KRT74: variants seen among roughly 807,000 people sequenced by gnomAD.
KRT74 encodes keratin, type II cytoskeletal 74.
KRT74 carries 43 observed loss-of-function variants against 42.7 expected under a neutral mutation model. The ratio of observed to expected loss-of-function variants is 1.01; its 90% CI spans 0.79 to 1.30. The LOEUF (loss-of-function observed/expected upper bound fraction) is 1.30, where lower values mean the gene tolerates loss of function less well. Ranked by LOEUF, KRT74 falls within the 50% of genes most tolerant of loss-of-function variation. The pLI is 0.00. For synonymous variants in KRT74, 302 were observed against 279.0 expected, an observed-to-expected ratio of 1.08 and a Z score of -0.82; for missense variants, 736 against 689.1, an observed-to-expected ratio of 1.07 and a Z score of -0.76.
At chr12:52,570,574 G>C in intron 5 of KRT74, 95 bp downstream of exon 5, 1 of 1,340,440 alleles carries the variant, frequency 7.5e-7, no homozygotes, top group Non-Finnish European at 1.1e-6. Context: ...CTTTCATTCA[G>C]CATGCCCACA....
At chr12:52,568,498 G>T in intron 6 of KRT74, 109 bp from the exon 7 acceptor site, 1 of 1,196,008 alleles carries the variant, frequency 8.4e-7, no homozygotes, top group Non-Finnish European at 1.2e-6. Context: ...AGGTGACAAG[G>T]AGTAAAAGCT....
rs376883953 is a variant in KRT74, at chr12:52,573,796, G to C, written c.-19C>G. On this transcript the variant is annotated 5_prime_UTR_variant, in exon 1 of 9. Transcript: ENST00000305620. ...GACTCATGGTGGGAAAGGTTGAGTT[G>C]ACAGAGCTGGAGAAAAGCAGTCTCC... 2.5e-6 allele frequency: 4 copies of C among 1,595,156 alleles called. No individual in the cohort carries two copies. Among genetic ancestry groups the C allele is most frequent in the Non-Finnish European group, 3.4e-6 (4 of 1,163,648 alleles).
rs1229370978 is a variant in KRT74, at chr12:52,573,479, C to T, written c.299G>A (p.Gly100Glu). The change falls in exon 1 of 9, where the codon GGG becomes GAG. Residue 100 changes from glycine (G) to glutamate (E), a missense_variant. Coordinates refer to ENST00000305620, the MANE Select transcript of KRT74 (RefSeq NM_175053.4). ...AGSMFGSVALGPACLSVCPPG... is the reference protein window; with the variant it reads ...AGSMFGSVALEPACLSVCPPG... ...TGGGCACACAGACAAACATGCAGGCCCCAGGGCCACACTGCCAAACATACT... is the reference window on the plus strand; with the variant it reads ...TGGGCACACAGACAAACATGCAGGCTCCAGGGCCACACTGCCAAACATACT... The T allele has an allele frequency of 6.2e-7, 1 of 1,614,188 alleles. No individual in the cohort carries two copies. Among genetic ancestry groups the T allele is most frequent in the South Asian group, 1.1e-5 (1 of 91,082 alleles).
Position 52,570,770 on chromosome 12 carries a change from G to C in KRT74, c.907C>G (p.Arg303Gly). The C allele has an allele frequency of 6.2e-7, 1 of 1,614,186 alleles. No homozygotes were observed. Among genetic ancestry groups the C allele is most frequent in the Middle Eastern group, 1.6e-4 (1 of 6,062 alleles). Residue 303 changes from arginine (R) to glycine (G), a missense_variant, in exon 5 of 9, where the codon CGG (arginine) becomes GGG (glycine). Arg to Gly is a moderately radical substitution (Grantham distance 125). Transcript: ENST00000305620. ...TSVILSMDNN[R>G]DLDLDSIIAE... ...ATGATGCTGTCAAGGTCCAGGTCCC[G>C]GTTGTTGTCCATGGACAGGATGACA...
At chr12:52,573,199 T>G in intron 1 of KRT74, 108 bp downstream of exon 1, 1 of 1,118,210 alleles carries the variant, frequency 8.9e-7, no homozygotes, top group Non-Finnish European at 1.4e-6. Context: ...AAGCCCTTCC[T>G]GAGGCCCAGC....
At position 52,567,693 on chromosome 12, in the gene KRT74, C is replaced by A. The variant is rs934500782; in HGVS notation, c.1356G>T (p.Arg452Ser). ...YRKLLEGEEC[R>S]MSGENPSSVS... ...CAGAGGATGGATTCTCACCAGACAT[C>A]CTGTGAGACAGAAAGTTAGAGAAAG... Residue 452 changes from arginine (R) to serine (S), a missense_variant and splice_region_variant, in exon 8 of 9, where the codon AGG becomes AGT. Physicochemically the swap from Arg to Ser is moderately radical, Grantham distance 110. Transcript: ENST00000305620. 2.5e-6 allele frequency: 4 copies of A among 1,609,904 alleles called. No homozygotes were observed. The highest frequency in any genetic ancestry group is 3.4e-6 in the Non-Finnish European group (4 of 1,176,360).
In KRT74 at chr12:52,570,002, G is replaced by A. The variant is rs1047483828; in HGVS notation, c.1009-18C>T. The A allele has an allele frequency of 1.2e-6, 2 of 1,613,698 alleles. No homozygotes were observed. The highest frequency in any genetic ancestry group is 1.3e-5 in the African/African-American group (1 of 74,900). On this transcript the variant is annotated intron_variant, in intron 5 of 8. Coordinates refer to ENST00000305620, the MANE Select transcript of KRT74 (RefSeq NM_175053.4). ...TCCTGGATCTGGTTTCCCAGAGATA[G>A]GAAGTTGGTGATGAGACAAGGGCAC...
At chr12:52,572,196 C>T (rs1291452161) in intron 2 of KRT74, among the ~76,000 whole-genome samples, 192 bp from the exon 3 acceptor site, 2 of 152,078 alleles carry the variant, frequency 1.3e-5, no homozygotes, top group East Asian at 1.9e-4. Context: ...TAGGAAAACA[C>T]CCAGGTGCCT....
chr12:52,571,194 C>T lies in KRT74; in HGVS notation c.843+165G>A, dbSNP rs73107567. On this transcript the variant is annotated intron_variant, in intron 4 of 8. Coordinates refer to ENST00000305620, the MANE Select transcript of KRT74 (RefSeq NM_175053.4). ...CAATTTCCTCCTGTATGTATGGCCT[C>T]CAAGGACCAGCATCCTGCACTTCCA... 0.12 allele frequency among the ~76,000 whole-genome samples: 17,642 copies of T among 152,244 alleles called. 1,105 individuals are homozygous for T. Among genetic ancestry groups the T allele is most frequent in the African/African-American group, 0.16 (6,691 of 41,532 alleles).
rs201840806 is a variant in KRT74, at chr12:52,573,309, T to C, written c.469A>G (p.Lys157Glu). The C allele has an allele frequency of 2.9e-5, 47 of 1,613,956 alleles. No individual in the cohort carries two copies. The highest frequency in any genetic ancestry group is 1.6e-4 in the Middle Eastern group (1 of 6,084). Residue 157 changes from lysine to glutamate, a missense_variant and splice_region_variant, in exon 1 of 9, where the codon AAG becomes GAG. By Grantham distance (56) the Lys-to-Glu change is moderately conservative (BLOSUM62 1). Transcript: ENST00000305620. The part of the protein sequence containing the change: ...LNDKFASFID[K>E]VRFLEQQNQV... Reference sequence around the variant, plus strand: ...CATCCTCCTCCTATGAGACCCACCTTGTCAATGAAGGAGGCGAACTTGTCG... The same window carrying C: ...CATCCTCCTCCTATGAGACCCACCTCGTCAATGAAGGAGGCGAACTTGTCG...
Position 52,567,654 on chromosome 12 carries a change from C to T in KRT74, c.1390+5G>A. 1.9e-6 allele frequency: 3 copies of T among 1,608,366 alleles called. No homozygotes were observed. The highest frequency in any genetic ancestry group is 2.6e-6 in the Non-Finnish European group (3 of 1,174,860). On this transcript the variant is annotated splice_donor_5th_base_variant and intron_variant, in intron 8 of 8. Coordinates refer to ENST00000305620, the MANE Select transcript of KRT74 (RefSeq NM_175053.4). ...CAACCCAAGGCATCTCTCAAGAATA[C>T]TCACAGATGCTCACAGAGGATGGAT...
Position 52,569,904 on chromosome 12 carries a change from C to T in KRT74, c.1089G>A (p.Arg363=), listed in dbSNP as rs1195208788. ...HTRSEMVELN[R]LIQRIRCEIG... is the part of the protein sequence containing the mutation. Reference sequence around the variant, plus strand: ...TCTCACACCGGATCCTCTGGATGAGCCGGTTCAGCTCCACCATCTCGCTCC... The same window carrying T: ...TCTCACACCGGATCCTCTGGATGAGTCGGTTCAGCTCCACCATCTCGCTCC... The change falls in exon 6 of 9, where the codon CGG becomes CGA. Residue 363 remains arginine (R), a synonymous_variant. Transcript: ENST00000305620. 1 of 1,614,200 alleles carries T rather than the reference C, an allele frequency of 6.2e-7. No individual in the cohort carries two copies. Among genetic ancestry groups the T allele is most frequent in the East Asian group, 2.2e-5 (1 of 44,876 alleles).
rs748884038 is a variant in KRT74 at position 52,568,325 on chromosome 12, G to A, written c.1199C>T (p.Ala400Val). The A allele has an allele frequency of 4.3e-6, 7 of 1,614,094 alleles. No homozygotes were observed. The highest frequency in any genetic ancestry group is 1.3e-5 in the African/African-American group (1 of 74,928). The change falls in exon 7 of 9, where the codon GCC becomes GTC. Residue 400 changes from alanine (A) to valine (V), a missense_variant. By Grantham distance (64) the Ala-to-Val change is moderately conservative (BLOSUM62 0). Coordinates refer to ENST00000305620, the MANE Select transcript of KRT74 (RefSeq NM_175053.4). ...EQRGDNALKD[A>V]QAKLDELEGA... is the part of the protein sequence containing the mutation. ...CTCCAGCTCATCCAGCTTGGCCTGG[G>A]CATCCTTCAGGGCATTGTCTCCCCG...
rs73320318 is a variant in KRT74 at position 52,572,465 on chromosome 12, T to A, written c.674A>T (p.Asp225Val). ...ELRSMRDLVE[D>V]YKKRYEVEIN... Reference sequence around the variant, plus strand: ...GGAGCCTGCTCACCTCTTCTTATAGTCCTCCACCAGATCCCTCATGCTTCT... The same window carrying A: ...GGAGCCTGCTCACCTCTTCTTATAGACCTCCACCAGATCCCTCATGCTTCT... The change falls in exon 2 of 9, where the codon GAC becomes GTC. Residue 225 changes from aspartate (D) to valine (V), a missense_variant. Asp to Val is a radical substitution (Grantham distance 152, BLOSUM62 -3). Transcript: ENST00000305620. The A allele has an allele frequency of 0.031, 49,506 of 1,613,920 alleles. 1,529 individuals carry two copies. The highest frequency in any genetic ancestry group is 0.13 in the African/African-American group (9,867 of 74,966).
chr12:52,570,294 C>A lies in KRT74; in HGVS notation c.1009-310G>T, dbSNP rs188465151. On this transcript the variant is annotated intron_variant, in intron 5 of 8. Transcript: ENST00000305620. ...GCTTCTCCTTCTCTCACTCGCCCCC[C>A]ACCAAATTCACCCATGGCTACACTC... Among the ~76,000 whole-genome samples, 54 of 152,330 alleles carry A rather than the reference C, an allele frequency of 3.5e-4. 1 individual carries two copies. In the East Asian group the frequency reaches 8.9e-3, roughly 25 times the overall value.
rs757332458 is a variant in KRT74 at position 52,569,874 on chromosome 12, C to G, written c.1119G>C (p.Gly373=). ...TGCTGCCCACCTGCTTCTTCACATT[C>G]CCGATCTCACACCGGATCCTCTGGA... is the stretch of plus-strand genomic sequence containing the variant. ...RLIQRIRCEI[G]NVKKQRASLE... is the part of the protein sequence containing the mutation. The change falls in exon 6 of 9, where the codon GGG becomes GGC. Residue 373 remains glycine, a synonymous_variant. Transcript: ENST00000305620. 1 of 1,614,192 alleles carries G rather than the reference C, an allele frequency of 6.2e-7. No individual in the cohort carries two copies. The highest frequency in any genetic ancestry group is 1.1e-5 in the South Asian group (1 of 91,082).
At chr12:52,571,134 C>T (rs977654640) in intron 4 of KRT74, among the ~76,000 whole-genome samples, 12 of 152,344 alleles carry the variant, frequency 7.9e-5, no homozygotes, top group African/African-American at 2.6e-4. Flanking sequence ...GTTATCTTTT[C>T]CTGCCCGTGG....
chr12:52,569,126 C>T (rs1197564284), intron 6 of KRT74, among the ~76,000 whole-genome samples: 13 of 152,110 alleles, frequency 8.5e-5, no homozygotes, highest in African/African-American at 2.4e-5. Context: ...GATCTTTCCG[C>T]TGGTCAATTC....
chr12:52,570,099 G>T, intron 5 of KRT74, 115 bp from the exon 6 acceptor site: 2 of 1,230,092 alleles, frequency 1.6e-6, no homozygotes, highest in African/African-American at 3.0e-5. Context: ...AACTGAAGAG[G>T]AGTGCTGGGA....
Sources: gnomAD v4.1 joint callset for allele counts (sites outside exome capture counted in the v4.1 genomes callset) on GRCh38, gnomAD v4.1.1 for gene constraint, MANE v1.5 for transcripts, NCBI Gene and HGNC (gene_info 2026-07-23, HGNC 2026-07-21) for gene names.